Variants in BIN1 observed in about 807,000 individuals in gnomAD.
The protein encoded by BIN1 is myc box-dependent-interacting protein 1.
A neutral mutation model predicts 82.0 loss-of-function variants in BIN1; 53 were observed. The ratio of observed to expected loss-of-function variants is 0.65; its 90% CI spans 0.52 to 0.81. BIN1 has a LOEUF of 0.81. BIN1 is among the 40% of genes least tolerant of loss of function. The pLI is 0.00. For synonymous variants in BIN1, 302 were observed against 328.0 expected (o/e 0.92, Z 0.86); for missense variants, 642 against 784.4 (o/e 0.82, Z 2.17).
At chr2:127,083,125 C>T (rs1279620845) in intron 1 of BIN1, among the ~76,000 whole-genome samples, 3 of 143,578 alleles carry the variant, frequency 2.1e-5, no homozygotes, top group Non-Finnish European at 4.5e-5. Flanking sequence ...CTTGCTATGT[C>T]GTCCAAGCTA....
In BIN1 at chr2:127,070,643, C is replaced by A. The variant is rs1685760627; in HGVS notation, c.225G>T (p.Met75Ile). 1 of 1,614,000 alleles carries A rather than the reference C, an allele frequency of 6.2e-7. No individual in the cohort carries two copies. The highest frequency in any genetic ancestry group is 1.7e-5 in the Admixed American group (1 of 60,014). ...CATTCAGCTTCTTGGAAGCCTCGTG[C>A]ATGGCTGTGGGGCAGAAAGGAAGTA... is the stretch of plus-strand genomic sequence containing the variant. ...LRTYLASVKA[M>I]HEASKKLNEC... is the part of the protein sequence containing the mutation. The change falls in exon 4 of 19, where the codon ATG becomes ATT. Residue 75 changes from methionine to isoleucine, a missense_variant. Met to Ile is a conservative substitution (Grantham distance 10). Transcript: ENST00000316724.
At chr2:127,070,911 C>T in intron 2 of BIN1, 95 bp from the exon 3 acceptor site, 1 of 1,277,700 alleles carries the variant, frequency 7.8e-7, no homozygotes. Flanking sequence ...ATGAACCAGG[C>T]TGCTCTCCTG....
intron 7 of BIN1, among the ~76,000 whole-genome samples, chr2:127,065,668 C>T (rs1014597671): frequency 5.3e-5 from 8 of 152,172 alleles, no homozygotes; most frequent in Non-Finnish European, 5.9e-5. Context: ...GCAGCCACCA[C>T]CCCCACAACT....
In BIN1 at chr2:127,052,513, C is replaced by T. The variant is rs1294986573; in HGVS notation, c.1264-151G>A. 7.5e-6 allele frequency: 5 copies of T among 670,716 alleles called. No homozygotes were observed. In the East Asian group the frequency reaches 8.2e-5, roughly 11 times the overall value. The allele number at this position is 670,716 out of a possible 1,614,324, so 41.5% of individuals were successfully genotyped here. On this transcript the variant is annotated intron_variant, in intron 14 of 18. Transcript: ENST00000316724. ...TACCAGCGGAGCCCGGCCAGCCACC[C>T]GCCTCCCACATCCTCTCTCCTACCA...
intron 1 of BIN1, among the ~76,000 whole-genome samples, chr2:127,102,529 C>T (rs1007528602): frequency 9.2e-5 from 14 of 152,354 alleles, no homozygotes; most frequent in South Asian, 4.1e-4. Flanking sequence ...ACCATGCCTG[C>T]ACCTCCTGGA....
rs371763968 is a variant in BIN1 at position 127,060,620 on chromosome 2, G to A, written c.858-1465C>T. On this transcript the variant is annotated intron_variant, in intron 10 of 18. Coordinates refer to ENST00000316724, the MANE Select transcript of BIN1 (RefSeq NM_139343.3). ...CCTGTTCTTCTTTCTGCGCAGCCGCGAAAACAGTTTACTTTTCTTTCTGTG... is the reference window on the plus strand; with the variant it reads ...CCTGTTCTTCTTTCTGCGCAGCCGCAAAAACAGTTTACTTTTCTTTCTGTG... The A allele has an allele frequency of 1.7e-5, 28 of 1,614,100 alleles. No individual in the cohort carries two copies. The Admixed American group carries it at 2.2e-4, about 12-fold the overall frequency.
At chr2:127,071,518 C>T (rs1010351412) in intron 2 of BIN1, among the ~76,000 whole-genome samples, 1 of 152,130 alleles carries the variant, frequency 6.6e-6, no homozygotes, top group African/African-American at 2.4e-5. Flanking sequence ...CCAGGGGCTT[C>T]CTGAGACAGC....
chr2:127,069,984 G>T lies in BIN1; in HGVS notation c.411+11C>A. ...GCCAGAGCAGGGCAGATCTGCAAGT[G>T]GGTCTCTCACCTTGATGTCGGGGAA... On this transcript the variant is annotated intron_variant, in intron 5 of 18. Transcript: ENST00000316724. 2 of 1,613,480 alleles carry T rather than the reference G, an allele frequency of 1.2e-6. No homozygotes were observed. The highest frequency in any genetic ancestry group is 1.7e-6 in the Non-Finnish European group (2 of 1,179,438).
chr2:127,095,306 G>C (rs1679449068), intron 1 of BIN1, among the ~76,000 whole-genome samples: 1 of 152,146 alleles, frequency 6.6e-6, no homozygotes, highest in African/African-American at 2.4e-5. Flanking sequence ...GCACAGTCAG[G>C]CCAGCTTCAT....
rs1683123271 is a variant in BIN1, at chr2:127,052,725, C to G, written c.1264-363G>C. 34 of 324,762 alleles carry G rather than the reference C, an allele frequency of 1.0e-4. 1 individual carries two copies. In the South Asian group the frequency reaches 1.2e-3, roughly 12 times the overall value. 20.1% of individuals were successfully genotyped at this position (324,762 alleles called of 1,614,324 possible). On this transcript the variant is annotated intron_variant, in intron 14 of 18. Coordinates refer to ENST00000316724, the MANE Select transcript of BIN1 (RefSeq NM_139343.3). ...GCTGCCAGCGCATGCCCCAAGGGCG[C>G]CTGCACACCCGCCTGCCCCTCCCAG...
chr2:127,071,496 G>C (rs1033115868), intron 2 of BIN1, among the ~76,000 whole-genome samples: 31 of 152,250 alleles, frequency 2.0e-4, no homozygotes, highest in Non-Finnish European at 4.1e-4. Flanking sequence ...CCCTGAGCAG[G>C]GAGAGTGTCC....
At chr2:127,102,501 C>A (rs1413667470) in intron 1 of BIN1, among the ~76,000 whole-genome samples, 1 of 152,240 alleles carries the variant, frequency 6.6e-6, no homozygotes, top group African/African-American at 2.4e-5. Flanking sequence ...TGTCCTCACA[C>A]CTCTCTCCAC....
At position 127,067,499 on chromosome 2, in the gene BIN1, C is replaced by T. The variant is rs1685298724; in HGVS notation, c.612+664G>A. ...TCCTCCGGGAAGCCCCCCAGGAACA[C>T]TGTGGTGCTGGTCACTTGCCCTCCA... On this transcript the variant is annotated intron_variant, in intron 7 of 18. Transcript: ENST00000316724. This position sits in a 1 kb window ranked among gnomAD's most constrained non-coding sequence, Gnocchi z 4.7. Among the ~76,000 whole-genome samples the T allele has an allele frequency of 6.6e-6, 1 of 152,214 alleles. No individual in the cohort carries two copies. Among genetic ancestry groups the T allele is most frequent in the African/African-American group, 2.4e-5 (1 of 41,462 alleles).
At position 127,090,215 on chromosome 2, in the gene BIN1, G is replaced by T. The variant is rs1678742296; in HGVS notation, c.85-13509C>A. 6.6e-6 allele frequency among the ~76,000 whole-genome samples: 1 copy of T among 152,166 alleles called. No homozygotes were observed. ...GGCCCCTTTGGGAAAAGGGTAAACCGACAAGAGGCCCCATGGAAATCAACC... is the reference window on the plus strand; with the variant it reads ...GGCCCCTTTGGGAAAAGGGTAAACCTACAAGAGGCCCCATGGAAATCAACC... On this transcript the variant is annotated intron_variant, in intron 1 of 18. Transcript: ENST00000316724. The surrounding 1 kb of genome is among the most constrained non-coding windows in gnomAD (Gnocchi z 6.4).
chr2:127,054,140 A>C, intron 12 of BIN1, 128 bp from the exon 13 acceptor site: 1 of 763,184 alleles, frequency 1.3e-6, no homozygotes, highest in South Asian at 1.5e-5. Flanking sequence ...ACGCATGCAG[A>C]GCAAGCGCAC....
rs544144460 is a variant in BIN1, at chr2:127,048,385, C to T, written c.*141G>A. 14 of 765,996 alleles carry T rather than the reference C, an allele frequency of 1.8e-5. No homozygotes were observed. The highest frequency in any genetic ancestry group is 5.2e-5 in the African/African-American group (3 of 57,264). 47.4% of individuals were successfully genotyped at this position (765,996 alleles called of 1,614,324 possible). ...GAAAACGACCTAATCTTTGGGAGAA[C>T]GCCCCTCTGCCTGGGGGTCTCCTCT... On this transcript the variant is annotated 3_prime_UTR_variant, in exon 19 of 19. Transcript: ENST00000316724.
intron 8 of BIN1, 141 bp downstream of exon 8, chr2:127,063,792 T>C (rs577814715): frequency 3.4e-5 from 48 of 1,395,806 alleles, no homozygotes; most frequent in South Asian, 4.7e-5. Context: ...GGCTGGACAC[T>C]GCAGCACACA....
At chr2:127,058,032 G>C (rs1348043881) in intron 11 of BIN1, among the ~76,000 whole-genome samples, 6 of 152,058 alleles carry the variant, frequency 3.9e-5, no homozygotes, top group African/African-American at 1.4e-4. Flanking sequence ...CTCCCTTCCC[G>C]CAGGCCCCTC....
chr2:127,052,159 TG>T, intron 15 of BIN1, 95 bp downstream of exon 15: 1 of 1,267,124 alleles, frequency 7.9e-7, no homozygotes, highest in Non-Finnish European at 1.1e-6. Context: ...CATGGTGGCC[TG>T]GTCCCTCCTG....
Sources: gnomAD v4.1 joint callset for allele counts (sites outside exome capture counted in the v4.1 genomes callset) on GRCh38, gnomAD v4.1.1 for gene constraint, Gnocchi (gnomAD v3.1) non-coding constraint, MANE v1.5 for transcripts, NCBI Gene and HGNC (gene_info 2026-07-23, HGNC 2026-07-21) for gene names.